The following NR2F1-AS1 variants were observed in gnomAD, a reference collection of about 807,000 sequenced individuals.
The protein encoded by NR2F1-AS1 is NR2F1 regulatory antisense RNA 1, also known as NR2F1 antisense RNA 1.
chr5:93,480,476 T>C (rs1277221956), intron 4 of NR2F1-AS1, among the ~76,000 whole-genome samples: 1 of 152,146 alleles, frequency 6.6e-6, no homozygotes, highest in Non-Finnish European at 1.5e-5. Context: ...ACTGACAGAC[T>C]TGCTCTACAA....
chr5:93,483,686 G>A (rs1041811346), intron 4 of NR2F1-AS1, among the ~76,000 whole-genome samples: 10 of 152,088 alleles, frequency 6.6e-5, no homozygotes, highest in African/African-American at 2.2e-4. Context: ...CCAATGCAAG[G>A]AAGCTAAGAA....
At chr5:93,468,335 C>T (rs1202558355) in intron 4 of NR2F1-AS1, among the ~76,000 whole-genome samples, 3 of 152,114 alleles carry the variant, frequency 2.0e-5, no homozygotes, top group Non-Finnish European at 4.4e-5. Context: ...TTTTAATGAT[C>T]GCCATTCTAA....
chr5:93,456,796 A>G (rs1339575093), intron 4 of NR2F1-AS1, among the ~76,000 whole-genome samples: 1 of 152,014 alleles, frequency 6.6e-6, no homozygotes, highest in Non-Finnish European at 1.5e-5. Context: ...GGAGAGGGGG[A>G]CAACAGGGAG....
chr5:93,561,758 G>GA (rs1409106872), intron 2 of NR2F1-AS1, among the ~76,000 whole-genome samples: 1 of 151,318 alleles, frequency 6.6e-6, no homozygotes, highest in African/African-American at 2.4e-5. Flanking sequence ...AGGCAACAGA[G>GA]ACCCTGTCTC....
At chr5:93,522,813 C>G (rs1359506450) in intron 4 of NR2F1-AS1, among the ~76,000 whole-genome samples, 1 of 152,150 alleles carries the variant, frequency 6.6e-6, no homozygotes, top group African/African-American at 2.4e-5. Context: ...CATTCTGGCC[C>G]AGATACTATG....
upstream of NR2F1-AS1, among the ~76,000 whole-genome samples, chr5:93,581,975 CCTCT>C (rs755899269): frequency 6.2e-4 from 63 of 102,288 alleles, no homozygotes; most frequent in African/African-American, 1.8e-3. Context: ...CTCTCTCTCT[CCTCT>C]CTCTCTCTCT....
intron 4 of NR2F1-AS1, among the ~76,000 whole-genome samples, chr5:93,482,322 T>C (rs1402826822): frequency 6.6e-6 from 1 of 152,000 alleles, no homozygotes; most frequent in Admixed American, 6.6e-5. Context: ...AGGTGGGGCA[T>C]CACCTCACCC....
At chr5:93,541,832 G>A (rs1452232966) in intron 4 of NR2F1-AS1, 1 of 151,244 alleles carries the variant, frequency 6.6e-6, no homozygotes, top group East Asian at 1.9e-4. Flanking sequence ...CACTCACATT[G>A]GTGCAAATTT....
intron 4 of NR2F1-AS1, among the ~76,000 whole-genome samples, chr5:93,546,696 T>C (rs754079025): frequency 3.9e-5 from 6 of 152,210 alleles, no homozygotes; most frequent in African/African-American, 7.2e-5. Flanking sequence ...TTGCCTAATA[T>C]ATTCTTTGAT....
intron 4 of NR2F1-AS1, among the ~76,000 whole-genome samples, chr5:93,504,076 T>C (rs1044910164): frequency 1.3e-5 from 2 of 152,194 alleles, no homozygotes; most frequent in African/African-American, 4.8e-5. Context: ...TGTAAAGAAA[T>C]TTAATAATAA....
rs374834420 is a variant in NR2F1-AS1, at chr5:93,419,963, G to C, written n.639-24421C>G. On this transcript the variant is annotated intron_variant and non_coding_transcript_variant, in intron 4 of 5. Coordinates refer to ENST00000660523, the Ensembl canonical transcript of NR2F1-AS1. ...TGTAATCCCAGCAATCTGGGAGGCA[G>C]AGGTGGGTGGATCACTTGAGGTCAT... Among the ~76,000 whole-genome samples, 71 of 152,306 alleles carry C rather than the reference G, an allele frequency of 4.7e-4. 1 individual carries two copies. Among genetic ancestry groups the C allele is most frequent in the African/African-American group, 1.6e-3 (67 of 41,574 alleles).
intron 4 of NR2F1-AS1, among the ~76,000 whole-genome samples, chr5:93,416,775 A>G (rs1748977006): frequency 1.3e-5 from 2 of 152,188 alleles, no homozygotes; most frequent in South Asian, 4.1e-4. Context: ...CAATCACACC[A>G]AACTGCTAGG....
intron 4 of NR2F1-AS1, among the ~76,000 whole-genome samples, chr5:93,516,932 G>A (rs1751410567): frequency 6.6e-6 from 1 of 151,782 alleles, no homozygotes; most frequent in Admixed American, 6.6e-5. Flanking sequence ...TTACTAGAAT[G>A]GCACCTATTA....
intron 4 of NR2F1-AS1, among the ~76,000 whole-genome samples, chr5:93,435,616 C>T (rs1408987864): frequency 1.3e-5 from 2 of 152,182 alleles, no homozygotes; most frequent in African/African-American, 4.8e-5. Flanking sequence ...TGCAGTAGGG[C>T]TTGGCACCCA....
chr5:93,462,223 A>AT (rs1246210783), intron 4 of NR2F1-AS1, among the ~76,000 whole-genome samples: 5 of 152,056 alleles, frequency 3.3e-5, no homozygotes, highest in African/African-American at 1.2e-4. Context: ...GTGGGAGGTG[A>AT]TTGAGTTATG....
intron 1 of NR2F1-AS1, among the ~76,000 whole-genome samples, chr5:93,577,394 G>A (rs1014615432): frequency 2.6e-5 from 4 of 152,218 alleles, no homozygotes; most frequent in African/African-American, 9.7e-5. Flanking sequence ...ATATGTGCAC[G>A]CTAAGGGTAG....
At chr5:93,573,864 G>T (rs1752834255) in intron 1 of NR2F1-AS1, among the ~76,000 whole-genome samples, 1 of 152,146 alleles carries the variant, frequency 6.6e-6, no homozygotes, top group Non-Finnish European at 1.5e-5. Context: ...CGGCTTACAA[G>T]CACCACAGAC....
At chr5:93,426,552 T>C (rs1016577889) in intron 4 of NR2F1-AS1, among the ~76,000 whole-genome samples, 1 of 152,140 alleles carries the variant, frequency 6.6e-6, no homozygotes, top group South Asian at 2.1e-4. Flanking sequence ...ATACTGACAA[T>C]TCATTTTGTG....
chr5:93,449,193 A>G (rs897744386), intron 4 of NR2F1-AS1, among the ~76,000 whole-genome samples: 7 of 152,218 alleles, frequency 4.6e-5, no homozygotes, highest in African/African-American at 1.4e-4. Flanking sequence ...ACAAGTTTAT[A>G]TATGACAAAG....
Sources: gnomAD v4.1 joint callset for allele counts (sites outside exome capture counted in the v4.1 genomes callset) on GRCh38, gnomAD v4.1.1 for gene constraint, MANE v1.5 for transcripts, NCBI Gene and HGNC (gene_info 2026-07-23, HGNC 2026-07-21) for gene names.